PON3: variants seen among roughly 807,000 people sequenced by gnomAD.
PON3 encodes paraoxonase 3, also known as serum paraoxonase/lactonase 3.
In PON3, 37 loss-of-function variants were observed where a neutral mutation model predicts 36.3. The observed-to-expected ratio is 1.02, with a 90% confidence interval of 0.78 to 1.34. The LOEUF (loss-of-function observed/expected upper bound fraction) is 1.34, where lower values mean the gene tolerates loss of function less well. Ranked by LOEUF, PON3 falls within the 40% of genes most tolerant of loss-of-function variation. The pLI is 0.00. For missense variants in PON3, 415 were observed against 426.5 expected, an observed-to-expected ratio of 0.97 and a Z score of 0.24; for synonymous variants, 155 against 154.8, an observed-to-expected ratio of 1.00 and a Z score of -0.01.
intron 3 of PON3, 61 bp from the exon 4 acceptor site, chr7:95,372,399 G>T: frequency 6.4e-7 from 1 of 1,552,740 alleles, no homozygotes; most frequent in Non-Finnish European, 8.8e-7. Context: ...TTTTCATAAG[G>T]AATTTAAAAT....
chr7:95,367,120 A>G (rs1381810923), intron 5 of PON3, among the ~76,000 whole-genome samples: 1 of 152,226 alleles, frequency 6.6e-6, no homozygotes, highest in East Asian at 1.9e-4. Context: ...AATTTAATTG[A>G]GCACCTTTAT....
At chr7:95,368,405 A>C (rs556442206) in intron 4 of PON3, among the ~76,000 whole-genome samples, 2 of 152,360 alleles carry the variant, frequency 1.3e-5, no homozygotes, top group African/African-American at 2.4e-5. Context: ...GTGCTTGCTC[A>C]CAGAGGAAAT....
chr7:95,381,199 G>A (rs1809045264), intron 3 of PON3, among the ~76,000 whole-genome samples: 1 of 152,160 alleles, frequency 6.6e-6, no homozygotes, highest in African/African-American at 2.4e-5. Flanking sequence ...GCTCCTGAAG[G>A]AAGCACTAAA....
chr7:95,384,446 G>A (rs55740233), intron 3 of PON3, among the ~76,000 whole-genome samples: 1 of 152,000 alleles, frequency 6.6e-6, no homozygotes, highest in African/African-American at 2.4e-5. Flanking sequence ...AATTTTTTCA[G>A]TCTACTCATC....
Position 95,362,798 on chromosome 7 carries a change from T to C in PON3, c.739A>G (p.Met247Val), listed in dbSNP as rs1353302130. ...ADVAAKNIHI[M>V]EKHDNWDLTQ... ...AAATCCCAGTTATCATGTTTTTCCA[T>C]TATGTGAATGTTCTTAGCTGCTACA... Residue 247 changes from methionine to valine, a missense_variant, in exon 7 of 9, where the codon ATG becomes GTG. Transcript: ENST00000265627. The C allele has an allele frequency of 1.2e-6, 2 of 1,612,082 alleles. No homozygotes were observed. Among genetic ancestry groups the C allele is most frequent in the South Asian group, 1.1e-5 (1 of 91,040 alleles).
At chr7:95,390,318 A>G in intron 2 of PON3, 109 bp from the exon 3 acceptor site, 1 of 899,818 alleles carries the variant, frequency 1.1e-6, no homozygotes, top group South Asian at 1.3e-5. Context: ...GAAATTGTTG[A>G]CTTGTTCAAC....
intron 3 of PON3, among the ~76,000 whole-genome samples, chr7:95,388,483 T>C (rs191115265): frequency 6.6e-6 from 1 of 152,216 alleles, no homozygotes; most frequent in Non-Finnish European, 1.5e-5. Flanking sequence ...ACTTTTACAC[T>C]GTTGGTGGGA....
intron 2 of PON3, among the ~76,000 whole-genome samples, chr7:95,391,893 G>A (rs1377649807): frequency 6.6e-6 from 1 of 152,162 alleles, no homozygotes; most frequent in Non-Finnish European, 1.5e-5. Flanking sequence ...TAAAAAATGT[G>A]TTGTCAGTAG....
chr7:95,360,078 A>G lies in PON3; in HGVS notation c.960T>C (p.Tyr320=), dbSNP rs1209158401. The change falls in exon 9 of 9, where the codon TAT becomes TAC. Residue 320 remains tyrosine (Y), a synonymous_variant. Coordinates refer to ENST00000265627, the MANE Select transcript of PON3 (RefSeq NM_000940.3). Reference sequence around the variant, plus strand: ...CCTGAAGCACAGAGCCATTGTTGGCATACACGGTGCTCACCCTGGGCTTCT... The same window carrying G: ...CCTGAAGCACAGAGCCATTGTTGGCGTACACGGTGCTCACCCTGGGCTTCT... ...LSEKPRVSTV[Y]ANNGSVLQGT... is the part of the protein sequence containing the mutation. The G allele has an allele frequency of 3.1e-6, 5 of 1,613,554 alleles. No homozygotes were observed. The African/African-American group carries it at 5.3e-5, about 17-fold the overall frequency.
chr7:95,363,949 A>G lies in PON3; in HGVS notation c.609T>C (p.Tyr203=), dbSNP rs17880470. 5.2e-3 allele frequency: 8,352 copies of G among 1,613,914 alleles called. 31 individuals carry two copies. Among genetic ancestry groups the G allele is most frequent in the Non-Finnish European group, 6.5e-3 (7,683 of 1,179,808 alleles). The change falls in exon 6 of 9, where the codon TAT becomes TAC. Residue 203 remains tyrosine, a synonymous_variant. Coordinates refer to ENST00000265627, the MANE Select transcript of PON3 (RefSeq NM_000940.3). ...CCTCCCTTGGGCTGTAGAAAAGAAC[A>G]TAAGTCCAGCGAAGATCCAAGATCA... ...FEMILDLRWT[Y]VLFYSPREVK... is the part of the protein sequence containing the mutation.
At chr7:95,378,011 A>T (rs1808959199) in intron 3 of PON3, among the ~76,000 whole-genome samples, 1 of 152,200 alleles carries the variant, frequency 6.6e-6, no homozygotes, top group Non-Finnish European at 1.5e-5. Context: ...AAAACCTTGA[A>T]AAAAGTGATA....
In PON3 at chr7:95,394,679, A is replaced by T; in HGVS notation, c.110T>A (p.Val37Glu). ...AATAAGGTGGCAGTTTTCAGGTTCT[A>T]CTGGCTCCACTTCTCGAGAGGCATT... Reference protein sequence around the residue: ...RVNASREVEPVEPENCHLIEE... With the variant: ...RVNASREVEPEEPENCHLIEE... The change falls in exon 2 of 9, where the codon GTA becomes GAA. Residue 37 changes from valine (V) to glutamate (E), a missense_variant. Coordinates refer to ENST00000265627, the MANE Select transcript of PON3 (RefSeq NM_000940.3). 2.5e-6 allele frequency: 4 copies of T among 1,614,174 alleles called. No homozygotes were observed.
In PON3 at chr7:95,359,943, C is replaced by CTTTTTTTTTT; in HGVS notation, c.*20_*29dup. On this transcript the variant is annotated 3_prime_UTR_variant, in exon 9 of 9. Transcript: ENST00000265627. ...AGTTTACTTTTACAAAATATGTAGA[C>CTTTTTTTTTT]TTTTTTTTTTTTTTTTTACTATCTA... is the stretch of plus-strand genomic sequence containing the variant. 4 of 1,464,990 alleles carry CTTTTTTTTTT rather than the reference C, an allele frequency of 2.7e-6. 1 individual carries two copies. The highest frequency in any genetic ancestry group is 3.9e-5 in the Admixed American group (2 of 51,452). 90.7% of individuals were successfully genotyped at this position (1,464,990 alleles called of 1,614,324 possible).
In PON3 at chr7:95,359,899, C is replaced by T; in HGVS notation, c.*74G>A. 6.8e-7 allele frequency: 1 copy of T among 1,465,474 alleles called. No individual in the cohort carries two copies. The allele number at this position is 1,465,474 out of a possible 1,614,324, so 90.8% of individuals were successfully genotyped here. A position where few individuals can be genotyped will look rare whatever the true frequency, so the allele number is the denominator to read the frequency against. On this transcript the variant is annotated 3_prime_UTR_variant, in exon 9 of 9. Transcript: ENST00000265627. ...GGTGTTTGCTATTTACTTACAGTGC[C>T]ACTTATCATACAATTATCAGTTTAC...
rs777709038 is a variant in PON3, at chr7:95,363,908, T to G, written c.650A>C (p.Lys217Thr). The change falls in exon 6 of 9, where the codon AAA (lysine) becomes ACA (threonine). Residue 217 changes from lysine (K) to threonine (T), a missense_variant. Transcript: ENST00000265627. ...GATCCCATTGGCACTACAAAATCCTTTGGCCACCACTTTAACCTCCCTTGG... is the reference window on the plus strand; with the variant it reads ...GATCCCATTGGCACTACAAAATCCTGTGGCCACCACTTTAACCTCCCTTGG... ...YSPREVKVVA[K>T]GFCSANGITV... 18 of 1,613,676 alleles carry G rather than the reference T, an allele frequency of 1.1e-5. No individual in the cohort carries two copies. Among genetic ancestry groups the G allele is most frequent in the African/African-American group, 2.7e-5 (2 of 74,922 alleles).
At chr7:95,386,121 A>G (rs935227642) in intron 3 of PON3, among the ~76,000 whole-genome samples, 2 of 152,134 alleles carry the variant, frequency 1.3e-5, no homozygotes, top group African/African-American at 4.8e-5. Flanking sequence ...AGGCAATAAA[A>G]AACTAAGATC....
intron 4 of PON3, 36 bp downstream of exon 4, chr7:95,372,137 T>G (rs761419318): frequency 6.3e-7 from 1 of 1,595,798 alleles, no homozygotes; most frequent in South Asian, 1.1e-5. Flanking sequence ...TCTATTTCCC[T>G]CATTTCCCCC....
At chr7:95,391,065 G>T (rs1809308069) in intron 2 of PON3, among the ~76,000 whole-genome samples, 1 of 152,126 alleles carries the variant, frequency 6.6e-6, no homozygotes, top group African/African-American at 2.4e-5. Context: ...CAACCCTACT[G>T]CTACTTGGCA....
intron 3 of PON3, among the ~76,000 whole-genome samples, chr7:95,378,480 C>A (rs115618447): frequency 0.027 from 4,074 of 152,138 alleles, 198 homozygotes; most frequent in African/African-American, 0.093. Flanking sequence ...AAATGAAGGA[C>A]AAAATGTTAA....
Sources: gnomAD v4.1 joint callset for allele counts (sites outside exome capture counted in the v4.1 genomes callset) on GRCh38, gnomAD v4.1.1 for gene constraint, MANE v1.5 for transcripts, NCBI Gene and HGNC (gene_info 2026-07-23, HGNC 2026-07-21) for gene names.